The following INSR variants were observed in gnomAD, a reference collection of about 807,000 sequenced individuals.
INSR encodes insulin receptor, also known as IR.
A neutral mutation model predicts 142.6 loss-of-function variants in INSR; 67 were observed. The ratio of observed to expected loss-of-function variants is 0.47; its 90% CI spans 0.39 to 0.58. The LOEUF (loss-of-function observed/expected upper bound fraction) is 0.58, where lower values mean the gene tolerates loss of function less well. INSR is among the 20% of genes least tolerant of loss of function. The pLI, the probability that INSR is intolerant of heterozygous loss-of-function variation, is 0.00. For synonymous variants in INSR, 756 were observed against 743.1 expected, an observed-to-expected ratio of 1.02 and a Z score of -0.28; for missense variants, 1,248 against 1,833.2, an observed-to-expected ratio of 0.68 and a Z score of 5.83.
chr19:7,193,940 G>C (rs1974667779), intron 2 of INSR, among the ~76,000 whole-genome samples: 1 of 132,468 alleles, frequency 7.5e-6, no homozygotes, highest in South Asian at 2.5e-4. Flanking sequence ...AGGCTCAAGA[G>C]ATCCGCTCTC....
chr19:7,128,790 A>G (rs146101295), intron 15 of INSR, 62 bp downstream of exon 15: 3 of 1,109,944 alleles, frequency 2.7e-6, no homozygotes, highest in Non-Finnish European at 4.2e-6. Flanking sequence ...ACCTATATCA[A>G]GGCATGTTTT....
At chr19:7,292,470 T>TGGGGGGGGGGGGGG (rs755617421) in intron 1 of INSR, among the ~76,000 whole-genome samples, 1 of 100,844 alleles carries the variant, frequency 9.9e-6, no homozygotes, top group African/African-American at 3.7e-5. Flanking sequence ...GGGGCGGGGC[T>TGGGGGGGGGGGGGG]GGGGGGGGGT....
intron 1 of INSR, among the ~76,000 whole-genome samples, chr19:7,274,081 AC>A (rs1967995907): frequency 6.6e-6 from 1 of 152,068 alleles, no homozygotes. Context: ...GTGGTCCCCA[AC>A]CTTTTTGGCA....
At position 7,217,582 on chromosome 19, in the gene INSR, G is replaced by A. The variant is rs183682629; in HGVS notation, c.653-32945C>T. ...TTTTTCTTTTTTTCTTTTTTGAGACGGAGTCTCGCTCTGTCTGCCAGGCTG... is the reference window on the plus strand; with the variant it reads ...TTTTTCTTTTTTTCTTTTTTGAGACAGAGTCTCGCTCTGTCTGCCAGGCTG... On this transcript the variant is annotated intron_variant, in intron 2 of 21. Coordinates refer to ENST00000302850, the MANE Select transcript of INSR (RefSeq NM_000208.4). 7.9e-5 allele frequency among the ~76,000 whole-genome samples: 12 copies of A among 152,184 alleles called. No homozygotes were observed. The South Asian group carries it at 1.0e-3, about 13-fold the overall frequency.
chr19:7,162,510 C>CAAA (rs34535970), intron 9 of INSR, among the ~76,000 whole-genome samples: 1 of 118,148 alleles, frequency 8.5e-6, no homozygotes, highest in Admixed American at 8.9e-5. Context: ...GACCCTGTCT[C>CAAA]AAAAAAAAAA....
chr19:7,195,085 G>C (rs1190333478), intron 2 of INSR, among the ~76,000 whole-genome samples: 2 of 152,268 alleles, frequency 1.3e-5, no homozygotes, highest in Middle Eastern at 3.4e-3. Flanking sequence ...AAAATGGCAA[G>C]AGTAAATCTT....
At chr19:7,227,918 C>T (rs1975840070) in intron 2 of INSR, among the ~76,000 whole-genome samples, 1 of 151,944 alleles carries the variant, frequency 6.6e-6, no homozygotes, top group Admixed American at 6.6e-5. Flanking sequence ...TGGTCTGAGA[C>T]CGCGACCTTC....
chr19:7,201,851 CG>C (rs1279404853), intron 2 of INSR, among the ~76,000 whole-genome samples: 2 of 151,676 alleles, frequency 1.3e-5, no homozygotes, highest in African/African-American at 4.8e-5. Context: ...TTAGTAGAGA[CG>C]GGGTTTCACC....
At chr19:7,179,427 G>A (rs1037188778) in intron 3 of INSR, among the ~76,000 whole-genome samples, 2 of 152,202 alleles carry the variant, frequency 1.3e-5, no homozygotes, top group African/African-American at 4.8e-5. Context: ...GTGTCAGAAC[G>A]GTGTTGCAAG....
chr19:7,219,963 T>C (rs1975563009), intron 2 of INSR, among the ~76,000 whole-genome samples: 1 of 152,158 alleles, frequency 6.6e-6, no homozygotes, highest in African/African-American at 2.4e-5. Flanking sequence ...CTGAATCTTA[T>C]GGAACCTTCT....
rs576838377 is a variant in INSR at position 7,143,161 on chromosome 19, A to G, written c.2268-71T>C. 14 of 1,537,064 alleles carry G rather than the reference A, an allele frequency of 9.1e-6. No homozygotes were observed. In the East Asian group the frequency reaches 2.7e-4, roughly 30 times the overall value. On this transcript the variant is annotated intron_variant, in intron 11 of 21. Coordinates refer to ENST00000302850, the MANE Select transcript of INSR (RefSeq NM_000208.4). ...TTTTTTAAAAAAGTGACACTGGAGA[A>G]TAAAAGGCTTGATTAAGAAGAAAGA...
chr19:7,242,841 A>G (rs1186747845), intron 2 of INSR, among the ~76,000 whole-genome samples: 2 of 152,092 alleles, frequency 1.3e-5, no homozygotes, highest in East Asian at 3.8e-4. Context: ...TATAAATGAA[A>G]ATTTTGGCCT....
chr19:7,255,111 T>A (rs1304561093), intron 2 of INSR, among the ~76,000 whole-genome samples: 1 of 148,848 alleles, frequency 6.7e-6, no homozygotes, highest in Non-Finnish European at 1.5e-5. Flanking sequence ...TTAGACAGCA[T>A]CATCTCTGGG....
chr19:7,288,731 G>C (rs960686926), intron 1 of INSR, among the ~76,000 whole-genome samples: 1 of 151,474 alleles, frequency 6.6e-6, no homozygotes, highest in Non-Finnish European at 1.5e-5. Context: ...GGGAGGCTGA[G>C]GTAGGTGGAT....
chr19:7,229,075 A>ATGTATGGATGGATGGGTGATTGGATGAG (rs1975873996), intron 2 of INSR, among the ~76,000 whole-genome samples: 1 of 150,430 alleles, frequency 6.6e-6, no homozygotes, highest in Non-Finnish European at 1.5e-5. Flanking sequence ...GGATGAGTGG[A>ATGTATGGATGGATGGGTGATTGGATGAG]TGTATGGATG....
In INSR at chr19:7,163,186, G is replaced by A. The variant is rs774724122; in HGVS notation, c.1875C>T (p.Pro625=). Reference sequence around the variant, plus strand: ...AGTTAGACACTGAGATTGGATCCAGGGGCACAGAGGGGTCTGTCAGGGAGA... The same window carrying A: ...AGTTAGACACTGAGATTGGATCCAGAGGCACAGAGGGGTCTGTCAGGGAGA... ...VQTDATNPSV[P]LDPISVSNSS... The change falls in exon 9 of 22, where the codon CCC becomes CCT. Residue 625 remains proline, a synonymous_variant. Coordinates refer to ENST00000302850, the MANE Select transcript of INSR (RefSeq NM_000208.4). 17 of 1,613,182 alleles carry A rather than the reference G, an allele frequency of 1.1e-5. No homozygotes were observed. In the East Asian group the frequency reaches 3.1e-4, roughly 30 times the overall value.
Position 7,152,840 on chromosome 19 carries a change from G to T in INSR, c.2117C>A (p.Ala706Asp), listed in dbSNP as rs142391704. The change falls in exon 10 of 22, where the codon GCC (alanine) becomes GAC (aspartate). Residue 706 changes from alanine to aspartate, a missense_variant. Transcript: ENST00000302850. ...KHNQSEYEDS[A>D]GECCSCPKTD... ...CTTTGGACAGGAGCAGCATTCGCCG[G>T]CCGAATCCTCATACTCACTCTGGTT... 2.7e-4 allele frequency: 430 copies of T among 1,613,290 alleles called. No homozygotes were observed. The highest frequency in any genetic ancestry group is 3.6e-4 in the Non-Finnish European group (422 of 1,179,934).
At chr19:7,291,597 G>A (rs978037611) in intron 1 of INSR, among the ~76,000 whole-genome samples, 10 of 152,022 alleles carry the variant, frequency 6.6e-5, no homozygotes, top group African/African-American at 2.2e-4. Context: ...GAAATGCAAC[G>A]GTGAACAACA....
rs548925829 is a variant in INSR, at chr19:7,201,623, T to A, written c.653-16986A>T. On this transcript the variant is annotated intron_variant, in intron 2 of 21. Transcript: ENST00000302850. Reference sequence around the variant, plus strand: ...CTGGGCGACCAAGTGAGACTCTGTCTCAATCAATCAATCAATAATAAATAA... The same window carrying A: ...CTGGGCGACCAAGTGAGACTCTGTCACAATCAATCAATCAATAATAAATAA... Among the ~76,000 whole-genome samples the A allele has an allele frequency of 2.7e-5, 4 of 150,608 alleles. No homozygotes were observed. In the East Asian group the frequency reaches 7.9e-4, roughly 30 times the overall value.
Sources: gnomAD v4.1 joint callset for allele counts (sites outside exome capture counted in the v4.1 genomes callset) on GRCh38, gnomAD v4.1.1 for gene constraint, MANE v1.5 for transcripts, NCBI Gene and HGNC (gene_info 2026-07-23, HGNC 2026-07-21) for gene names.